The following CHST11 variants were observed in gnomAD, a reference collection of about 807,000 sequenced individuals.
The protein encoded by CHST11 is carbohydrate sulfotransferase 11.
CHST11 carries 9 observed loss-of-function variants against 30.4 expected under a neutral mutation model. The ratio of observed to expected loss-of-function variants is 0.30; its 90% confidence interval spans 0.18 to 0.52. The LOEUF (loss-of-function observed/expected upper bound fraction) is 0.52, where lower values mean the gene tolerates loss of function less well. CHST11 is among the 20% of genes least tolerant of loss of function. CHST11 has a pLI of 0.97. For missense variants in CHST11, 348 were observed against 460.6 expected (o/e 0.76, Z 2.24); for synonymous variants, 152 against 187.8 (o/e 0.81, Z 1.56).
At chr12:104,646,056 C>T (rs1031385312) in intron 2 of CHST11, among the ~76,000 whole-genome samples, 12 of 152,232 alleles carry the variant, frequency 7.9e-5, no homozygotes, top group Admixed American at 2.0e-4. Flanking sequence ...AGGATGCTGC[C>T]GGCTCAGCCA....
intron 2 of CHST11, among the ~76,000 whole-genome samples, chr12:104,690,227 T>C (rs1012751087): frequency 5.3e-5 from 8 of 152,208 alleles, no homozygotes; most frequent in Non-Finnish European, 1.2e-4. Context: ...TAGCTTTCTA[T>C]TAAAGTGGAG....
chr12:104,677,279 G>A (rs1038093436), intron 2 of CHST11, among the ~76,000 whole-genome samples: 2 of 152,166 alleles, frequency 1.3e-5, no homozygotes, highest in Admixed American at 6.5e-5. Flanking sequence ...CATGCAGGTC[G>A]AGGGGTCCCC....
At chr12:104,473,307 C>T (rs142734606) in intron 1 of CHST11, among the ~76,000 whole-genome samples, 4 of 152,258 alleles carry the variant, frequency 2.6e-5, no homozygotes, top group South Asian at 2.1e-4. Context: ...TTGCATTGCT[C>T]GGGCCAAAAT....
At chr12:104,566,661 T>C (rs2038570019) in intron 1 of CHST11, among the ~76,000 whole-genome samples, 1 of 152,156 alleles carries the variant, frequency 6.6e-6, no homozygotes, top group African/African-American at 2.4e-5. Flanking sequence ...AACCCATGAG[T>C]GTGGCCTTTA....
At chr12:104,710,277 G>A (rs938183038) in intron 2 of CHST11, among the ~76,000 whole-genome samples, 1 of 152,240 alleles carries the variant, frequency 6.6e-6, no homozygotes, top group Admixed American at 6.5e-5. Context: ...GCAGCGAGGA[G>A]GGAGGGAGAA....
At chr12:104,460,685 A>G (rs1455845058) in intron 1 of CHST11, among the ~76,000 whole-genome samples, 2 of 149,960 alleles carry the variant, frequency 1.3e-5, no homozygotes, top group African/African-American at 2.5e-5. Context: ...AAAAAAAGAG[A>G]CAAAAAGGAG....
chr12:104,561,099 A>G (rs1259395466), intron 1 of CHST11, among the ~76,000 whole-genome samples: 1 of 146,332 alleles, frequency 6.8e-6, no homozygotes, highest in African/African-American at 2.8e-5. Context: ...TACCAAACTC[A>G]TGTGCTATTT....
At chr12:104,716,450 A>G (rs2040131973) in intron 2 of CHST11, among the ~76,000 whole-genome samples, 1 of 152,256 alleles carries the variant, frequency 6.6e-6, no homozygotes, top group Non-Finnish European at 1.5e-5. Flanking sequence ...GTATTGTGAG[A>G]AGTAAACGAA....
At chr12:104,736,143 C>T (rs1041190348) in intron 2 of CHST11, among the ~76,000 whole-genome samples, 1 of 152,110 alleles carries the variant, frequency 6.6e-6, no homozygotes, top group African/African-American at 2.4e-5. Context: ...CAATGTCCAA[C>T]GGGAAGGTGA....
intron 1 of CHST11, among the ~76,000 whole-genome samples, chr12:104,459,705 A>T (rs1292018769): frequency 6.6e-6 from 1 of 152,216 alleles, no homozygotes; most frequent in Non-Finnish European, 1.5e-5. Flanking sequence ...CTTTTGGAAG[A>T]GGCAGAGAAC....
chr12:104,475,616 A>G (rs2037548645), intron 1 of CHST11, among the ~76,000 whole-genome samples: 1 of 133,750 alleles, frequency 7.5e-6, no homozygotes, highest in Non-Finnish European at 1.6e-5. Context: ...CTTCACCATC[A>G]TCTCCCTCCC....
At chr12:104,737,282 G>T (rs1463331275) in intron 2 of CHST11, among the ~76,000 whole-genome samples, 1 of 152,252 alleles carries the variant, frequency 6.6e-6, no homozygotes, top group Non-Finnish European at 1.5e-5. Flanking sequence ...CATCGTGGGG[G>T]TGGCTGACTT....
At chr12:104,627,839 G>T (rs1003970828) in intron 2 of CHST11, among the ~76,000 whole-genome samples, 1 of 152,176 alleles carries the variant, frequency 6.6e-6, no homozygotes, top group East Asian at 1.9e-4. Context: ...GGTGGGTGTG[G>T]TGGTGATAAC....
intron 1 of CHST11, among the ~76,000 whole-genome samples, chr12:104,511,247 G>C (rs2037962601): frequency 6.6e-6 from 1 of 152,084 alleles, no homozygotes; most frequent in Non-Finnish European, 1.5e-5. Flanking sequence ...CCTCCTCCCA[G>C]CCTTCTCCTC....
chr12:104,583,867 C>T (rs1028990465), intron 1 of CHST11, among the ~76,000 whole-genome samples: 5 of 152,162 alleles, frequency 3.3e-5, no homozygotes, highest in Non-Finnish European at 1.5e-5. Flanking sequence ...CACCTGCCAC[C>T]ACACCCAGCT....
chr12:104,494,262 C>T (rs987957910), intron 1 of CHST11, among the ~76,000 whole-genome samples: 2 of 152,166 alleles, frequency 1.3e-5, no homozygotes, highest in African/African-American at 4.8e-5. Context: ...ACAGAGCCTG[C>T]ACCACGAAGC....
At chr12:104,713,041 C>G (rs1482687702) in intron 2 of CHST11, among the ~76,000 whole-genome samples, 2 of 151,870 alleles carry the variant, frequency 1.3e-5, no homozygotes, top group Non-Finnish European at 2.9e-5. Flanking sequence ...ACCCCTAATT[C>G]ATGCGGCTTG....
intron 1 of CHST11, among the ~76,000 whole-genome samples, chr12:104,541,112 T>A (rs2038281971): frequency 3.0e-5 from 3 of 101,410 alleles, no homozygotes; most frequent in Non-Finnish European, 5.7e-5. Flanking sequence ...GCAGAATCTC[T>A]CCCTCTCTCT....
At chr12:104,630,525 C>A (rs1009295019) in intron 2 of CHST11, among the ~76,000 whole-genome samples, 1 of 152,170 alleles carries the variant, frequency 6.6e-6, no homozygotes, top group African/African-American at 2.4e-5. Context: ...AAAATGAAAT[C>A]CGAGAAGCCA....
Sources: gnomAD v4.1 joint callset for allele counts (sites outside exome capture counted in the v4.1 genomes callset) on GRCh38, gnomAD v4.1.1 for gene constraint, MANE v1.5 for transcripts, NCBI Gene and HGNC (gene_info 2026-07-23, HGNC 2026-07-21) for gene names.